Variants in CIMIP4 observed in about 807,000 individuals in gnomAD.
CIMIP4 encodes the protein ciliary microtubule inner protein 4.
At chr22:37,003,167 G>A in the CIMIP4 span, among the ~76,000 whole-genome samples, 4 of 152,220 alleles carry the variant, frequency 2.6e-5, no homozygotes, top group African/African-American at 7.2e-5. Context: ...ATAAACCTCC[G>A]CAGAGTTTAT....
chr22:37,003,539 GC>G, the CIMIP4 span, among the ~76,000 whole-genome samples: 1 of 152,134 alleles, frequency 6.6e-6, no homozygotes, highest in Admixed American at 6.5e-5. Flanking sequence ...CTTTGCCTGA[GC>G]TATTTCTCCT....
At chr22:36,996,450 T>G in the CIMIP4 span, among the ~76,000 whole-genome samples, 2 of 147,104 alleles carry the variant, frequency 1.4e-5, no homozygotes, top group African/African-American at 5.2e-5. Context: ...AAAAAAGAGA[T>G]TCTCCTGAGT....
At chr22:36,993,033 G>A in the CIMIP4 span, among the ~76,000 whole-genome samples, 1 of 137,460 alleles carries the variant, frequency 7.3e-6, no homozygotes, top group Non-Finnish European at 1.5e-5. Flanking sequence ...TTTTTTTTGA[G>A]ACGGAGTCTC....
chr22:36,991,646 T>TC, the CIMIP4 span: 1 of 1,409,254 alleles, frequency 7.1e-7, no homozygotes, highest in African/African-American at 1.4e-5. Flanking sequence ...AGTCGGGTAC[T>TC]CCATGGCTTA....
the CIMIP4 span, chr22:36,999,785 C>T: frequency 1.3e-6 from 2 of 1,572,888 alleles, no homozygotes; most frequent in South Asian, 1.2e-5. Flanking sequence ...CTTCCCTGCC[C>T]AATGCCTGGG....
chr22:37,003,991 C>T, the CIMIP4 span: 65 of 1,549,744 alleles, frequency 4.2e-5, no homozygotes, highest in Middle Eastern at 3.3e-4. Context: ...GCTCCATAGC[C>T]TCTTGCTGTG....
the CIMIP4 span, chr22:37,001,987 AG>A: frequency 1.2e-6 from 2 of 1,613,570 alleles, no homozygotes; most frequent in Non-Finnish European, 1.7e-6. Flanking sequence ...GGCATGGCTG[AG>A]CCCCCTCTCC....
chr22:37,001,800 A>T, the CIMIP4 span: 8 of 1,487,252 alleles, frequency 5.4e-6, no homozygotes, highest in Non-Finnish European at 7.2e-6. Flanking sequence ...CCTCATTATA[A>T]GACTCTGCAT....
At chr22:36,997,407 A>G in the CIMIP4 span, among the ~76,000 whole-genome samples, 4,272 of 152,282 alleles carry the variant, frequency 0.028, 202 homozygotes, top group African/African-American at 0.097. Flanking sequence ...GTCAACGTTA[A>G]TTCCTCTCTC....
chr22:37,006,044 A>G, the CIMIP4 span, among the ~76,000 whole-genome samples: 1 of 152,306 alleles, frequency 6.6e-6, no homozygotes. Flanking sequence ...GAGATGCCTG[A>G]TATATCCTCT....
chr22:37,004,839 C>T, the CIMIP4 span, among the ~76,000 whole-genome samples: 694 of 152,198 alleles, frequency 4.6e-3, 3 homozygotes, highest in African/African-American at 0.016. Flanking sequence ...AGGTGTGCAC[C>T]ACCACATCTG....
chr22:37,002,409 G>A, the CIMIP4 span: 8 of 661,184 alleles, frequency 1.2e-5, no homozygotes, highest in South Asian at 8.8e-5. Context: ...GAGGGGAAAC[G>A]GACAGACAAA....
chr22:36,995,626 A>T, the CIMIP4 span, among the ~76,000 whole-genome samples: 1 of 152,122 alleles, frequency 6.6e-6, no homozygotes, highest in African/African-American at 2.4e-5. Context: ...CCAGACTAAG[A>T]CCCAGAGCCA....
At chr22:37,002,150 T>C in the CIMIP4 span, 7 of 1,526,844 alleles carry the variant, frequency 4.6e-6, no homozygotes, top group African/African-American at 6.9e-5. Flanking sequence ...GGAGCTGCCT[T>C]GAGCGCTGGC....
At chr22:37,002,071 G>A in the CIMIP4 span, 1 of 1,605,512 alleles carries the variant, frequency 6.2e-7, no homozygotes, top group Non-Finnish European at 8.5e-7. Flanking sequence ...GTGGGTCCAT[G>A]CCCAGAGAAT....
the CIMIP4 span, among the ~76,000 whole-genome samples, chr22:36,994,897 T>A: frequency 6.6e-6 from 1 of 152,190 alleles, no homozygotes; most frequent in Non-Finnish European, 1.5e-5. Flanking sequence ...CCCAAAGTGC[T>A]GGGATTACAG....
the CIMIP4 span, among the ~76,000 whole-genome samples, chr22:36,998,550 C>A: frequency 6.6e-6 from 1 of 152,246 alleles, no homozygotes; most frequent in African/African-American, 2.4e-5. Context: ...TCCAGAAGAC[C>A]CTGGGAACAG....
At chr22:37,001,905 T>C in the CIMIP4 span, 2 of 1,613,252 alleles carry the variant, frequency 1.2e-6, no homozygotes, top group Non-Finnish European at 1.7e-6. Flanking sequence ...TTAGGAATGA[T>C]GCTGCCCTTC....
chr22:36,994,212 T>A, the CIMIP4 span, among the ~76,000 whole-genome samples: 3 of 152,190 alleles, frequency 2.0e-5, no homozygotes, highest in African/African-American at 7.2e-5. Flanking sequence ...AACTAATAGA[T>A]CAAGCAAAGC....
Sources: gnomAD v4.1 joint callset for allele counts (sites outside exome capture counted in the v4.1 genomes callset) on GRCh38, gnomAD v4.1.1 for gene constraint, MANE v1.5 for transcripts, NCBI Gene and HGNC (gene_info 2026-07-23, HGNC 2026-07-21) for gene names.